Variants in CCDC102B observed in about 807,000 individuals in gnomAD.
The protein encoded by CCDC102B is coiled-coil domain containing 102B, also known as coiled-coil domain-containing protein 102B.
In CCDC102B, 75 loss-of-function variants were observed where a neutral mutation model predicts 57.4. That is an observed-to-expected ratio of 1.31 (90% CI 1.08 to 1.58). The LOEUF (loss-of-function observed/expected upper bound fraction) is 1.58. CCDC102B is among the 40% of genes most tolerant of loss of function. The pLI is 0.00. For synonymous variants in CCDC102B, 206 were observed against 201.9 expected, an observed-to-expected ratio of 1.02 and a Z score of -0.17; for missense variants, 636 against 582.6, an observed-to-expected ratio of 1.09 and a Z score of -0.94.
chr18:68,964,123 T>A (rs1196260357), intron 6 of CCDC102B, among the ~76,000 whole-genome samples: 1 of 151,934 alleles, frequency 6.6e-6, no homozygotes, highest in Non-Finnish European at 1.5e-5. Flanking sequence ...CTTCTGGAAA[T>A]CCAATGAGTC....
intron 6 of CCDC102B, among the ~76,000 whole-genome samples, chr18:68,901,414 A>T (rs1050494886): frequency 2.0e-5 from 3 of 152,206 alleles, no homozygotes; most frequent in Non-Finnish European, 4.4e-5. Flanking sequence ...GATTTGGTTC[A>T]TAGGTCATGG....
intron 3 of CCDC102B, among the ~76,000 whole-genome samples, chr18:68,843,131 T>G (rs1454202279): frequency 1.3e-5 from 2 of 152,206 alleles, no homozygotes; most frequent in Non-Finnish European, 2.9e-5. Flanking sequence ...CACCCAGTGC[T>G]GAAAGATGTA....
At chr18:68,992,056 T>A (rs985429118) in intron 6 of CCDC102B, among the ~76,000 whole-genome samples, 3 of 152,176 alleles carry the variant, frequency 2.0e-5, no homozygotes, top group African/African-American at 7.2e-5. Flanking sequence ...GTGACCTTAT[T>A]TTTGCCAGTT....
chr18:68,741,483 G>T lies in CCDC102B; in HGVS notation c.-67+24889G>T, dbSNP rs142522212. Among the ~76,000 whole-genome samples, 192 of 152,272 alleles carry T rather than the reference G, an allele frequency of 1.3e-3. 3 individuals are homozygous for T. The South Asian group carries it at 0.021, about 16-fold the overall frequency. On this transcript the variant is annotated intron_variant, in intron 2 of 3. Transcript: ENST00000578970. ...GAACCATGGGGATCTAAGTGGGACAGAAATGAAGAAACTGTGAATGTGCTG... is the reference window on the plus strand; with the variant it reads ...GAACCATGGGGATCTAAGTGGGACATAAATGAAGAAACTGTGAATGTGCTG...
At chr18:68,745,474 A>C (rs928928886) in intron 2 of CCDC102B, among the ~76,000 whole-genome samples, 35 of 152,176 alleles carry the variant, frequency 2.3e-4, no homozygotes, top group Middle Eastern at 3.4e-3. Context: ...TTTAATGAAG[A>C]TATAATTGTA....
At chr18:68,967,793 A>G (rs542865109) in intron 6 of CCDC102B, among the ~76,000 whole-genome samples, 1 of 152,284 alleles carries the variant, frequency 6.6e-6, no homozygotes, top group Admixed American at 6.5e-5. Context: ...TGGAAACCAT[A>G]GCACTGAGTT....
chr18:68,989,125 T>C (rs1398798531), intron 6 of CCDC102B, among the ~76,000 whole-genome samples: 2 of 152,232 alleles, frequency 1.3e-5, no homozygotes, highest in African/African-American at 4.8e-5. Flanking sequence ...TATTCCATCC[T>C]ATTTTGTTAC....
At chr18:69,037,023 A>G (rs202131296) in intron 7 of CCDC102B, among the ~76,000 whole-genome samples, 32 of 52,306 alleles carry the variant, frequency 6.1e-4, no homozygotes, top group African/African-American at 2.0e-3. Context: ...GTGGGGGTGT[A>G]TATATACACA....
intron 6 of CCDC102B, among the ~76,000 whole-genome samples, chr18:68,999,954 C>A (rs2051155976): frequency 6.6e-6 from 1 of 152,130 alleles, no homozygotes; most frequent in African/African-American, 2.4e-5. Context: ...GGAGAAAAGG[C>A]ATTCATTTCT....
chr18:68,858,616 G>C (rs528308364), intron 4 of CCDC102B, among the ~76,000 whole-genome samples: 1 of 152,262 alleles, frequency 6.6e-6, no homozygotes, highest in Admixed American at 6.5e-5. Context: ...GAGGATGTTA[G>C]GGAGTTTTGA....
intron 2 of CCDC102B, among the ~76,000 whole-genome samples, chr18:68,719,475 G>A (rs2032206742): frequency 6.6e-6 from 1 of 152,154 alleles, no homozygotes; most frequent in African/African-American, 2.4e-5. Flanking sequence ...CCAAGAACCA[G>A]GAGTAGTGAT....
Position 68,874,739 on chromosome 18 carries a change from A to C in CCDC102B, c.1007A>C (p.Lys336Thr), listed in dbSNP as rs199687211. The C allele has an allele frequency of 2.0e-5, 33 of 1,612,278 alleles. No individual in the cohort carries two copies. The highest frequency in any genetic ancestry group is 8.5e-7 in the Non-Finnish European group (1 of 1,178,650). Residue 336 changes from lysine to threonine, a missense_variant, in exon 5 of 8, where the codon AAA (lysine) becomes ACA (threonine). By Grantham distance (78) the Lys-to-Thr change is moderately conservative (BLOSUM62 -1). Transcript: ENST00000360242. ...ELSGNIKEES[K>T]SQNSKDRVIC... ...TCAGGCAATATAAAGGAAGAATCCA[A>C]ATCTCAAAACAGCAAAGACAGAGTG...
chr18:68,893,054 G>A (rs2040132576), intron 5 of CCDC102B, among the ~76,000 whole-genome samples: 1 of 152,122 alleles, frequency 6.6e-6, no homozygotes, highest in South Asian at 2.1e-4. Flanking sequence ...CCATTGACTA[G>A]GTCCATTTAA....
chr18:68,917,096 G>T (rs533747624), intron 6 of CCDC102B, among the ~76,000 whole-genome samples: 51 of 152,294 alleles, frequency 3.3e-4, no homozygotes, highest in African/African-American at 1.2e-3. Flanking sequence ...ACCTCCCATT[G>T]TTCATAGCTT....
intron 2 of CCDC102B, 127 bp from the exon 3 acceptor site, chr18:68,838,579 G>C (rs2037488164): frequency 6.9e-7 from 1 of 1,443,460 alleles, no homozygotes; most frequent in Non-Finnish European, 9.1e-7. Context: ...CACTTTCAGG[G>C]AATGATAATG....
chr18:69,043,936 T>C (rs867538702), intron 7 of CCDC102B, among the ~76,000 whole-genome samples: 128 of 152,100 alleles, frequency 8.4e-4, no homozygotes, highest in African/African-American at 2.6e-3. Flanking sequence ...ATAAATTGCA[T>C]GAGAACTGCC....
At chr18:69,026,674 C>A (rs1006175937) in intron 7 of CCDC102B, among the ~76,000 whole-genome samples, 1 of 151,974 alleles carries the variant, frequency 6.6e-6, no homozygotes, top group South Asian at 2.1e-4. Context: ...AGTTCTGGGG[C>A]GGGAGAAGAA....
intron 6 of CCDC102B, among the ~76,000 whole-genome samples, chr18:68,973,896 C>T (rs1384315901): frequency 6.6e-6 from 1 of 152,044 alleles, no homozygotes; most frequent in Non-Finnish European, 1.5e-5. Context: ...GATAGAACTG[C>T]TATTCACTGT....
chr18:68,921,819 T>C (rs2041294040), intron 6 of CCDC102B, among the ~76,000 whole-genome samples: 1 of 152,178 alleles, frequency 6.6e-6, no homozygotes, highest in South Asian at 2.1e-4. Context: ...ATTGCAATTG[T>C]AGCCACGTGA....
Sources: allele counts gnomAD v4.1 joint callset (sites outside exome capture counted in the v4.1 genomes callset), GRCh38; gene constraint gnomAD v4.1.1; transcripts MANE v1.5; gene names NCBI Gene and HGNC (gene_info 2026-07-23, HGNC 2026-07-21).